The following RAB38 variants were observed in gnomAD, a reference collection of about 807,000 sequenced individuals.
RAB38 encodes the protein RAB38, member RAS oncogene family.
RAB38 carries 15 observed loss-of-function variants against 18.4 expected under a neutral mutation model. The observed-to-expected ratio is 0.82, with a 90% CI of 0.55 to 1.26. The LOEUF is 1.26. Ranked by LOEUF, RAB38 falls within the 50% of genes most tolerant of loss-of-function variation. RAB38 has a pLI of 0.00. For missense variants in RAB38, 294 were observed against 267.4 expected (o/e 1.10, Z -0.69); for synonymous variants, 101 against 104.4 (o/e 0.97, Z 0.20).
chr11:88,047,062 C>A, the RAB38 span, among the ~76,000 whole-genome samples: 1 of 152,180 alleles, frequency 6.6e-6, no homozygotes, highest in Non-Finnish European at 1.5e-5. Flanking sequence ...CGCCCTAATA[C>A]TTTTAGAGGC....
At chr11:87,886,183 C>T in the RAB38 span, among the ~76,000 whole-genome samples, 1 of 151,964 alleles carries the variant, frequency 6.6e-6, no homozygotes, top group African/African-American at 2.4e-5. Context: ...CGCGGTGGCC[C>T]TCTGGCTGGT....
the RAB38 span, among the ~76,000 whole-genome samples, chr11:87,868,994 A>G: frequency 2.0e-5 from 3 of 151,730 alleles, no homozygotes; most frequent in Non-Finnish European, 3.0e-5. Context: ...AGAGATTCCC[A>G]CAAAAAACAG....
At chr11:87,888,846 C>G in the RAB38 span, among the ~76,000 whole-genome samples, 2 of 151,940 alleles carry the variant, frequency 1.3e-5, no homozygotes, top group African/African-American at 4.8e-5. Context: ...AAATGAAGTA[C>G]TGCACTGTTG....
At chr11:87,900,730 G>A in the RAB38 span, among the ~76,000 whole-genome samples, 3 of 150,504 alleles carry the variant, frequency 2.0e-5, no homozygotes, top group South Asian at 6.3e-4. Context: ...TAGGGAAGAA[G>A]GAAGAGGGAG....
chr11:88,116,816 C>T (rs1377401690), intron 2 of RAB38, among the ~76,000 whole-genome samples: 3 of 152,226 alleles, frequency 2.0e-5, no homozygotes, highest in African/African-American at 7.2e-5. Context: ...ATTTTTTAAA[C>T]CTCCACTCAT....
chr11:87,825,610 T>C, the RAB38 span, among the ~76,000 whole-genome samples: 1 of 152,126 alleles, frequency 6.6e-6, no homozygotes, highest in African/African-American at 2.4e-5. Flanking sequence ...TATCTCAAAA[T>C]AATGTCATAT....
the RAB38 span, among the ~76,000 whole-genome samples, chr11:87,851,856 T>A: frequency 6.6e-6 from 1 of 152,062 alleles, no homozygotes; most frequent in African/African-American, 2.4e-5. Context: ...ACTTTTAGGG[T>A]CTCTAGCTGG....
intron 2 of RAB38, among the ~76,000 whole-genome samples, chr11:88,120,415 GT>G (rs1212361751): frequency 3.9e-5 from 6 of 152,144 alleles, no homozygotes; most frequent in Non-Finnish European, 8.8e-5. Context: ...AAAGCCCACA[GT>G]TTTGTACTTT....
chr11:88,133,103 T>C (rs1316528916), intron 2 of RAB38, among the ~76,000 whole-genome samples: 2 of 152,122 alleles, frequency 1.3e-5, no homozygotes, highest in African/African-American at 2.4e-5. Flanking sequence ...ATCTAGTATA[T>C]TGTAAACAGA....
At chr11:88,152,682 C>T (rs1311161123) in intron 1 of RAB38, among the ~76,000 whole-genome samples, 1 of 152,172 alleles carries the variant, frequency 6.6e-6, no homozygotes, top group Non-Finnish European at 1.5e-5. Flanking sequence ...AGAATGAGAA[C>T]CATGTGACTC....
chr11:87,977,382 AATATAATTATAT>A, the RAB38 span, among the ~76,000 whole-genome samples: 5 of 46,598 alleles, frequency 1.1e-4, no homozygotes, highest in South Asian at 5.8e-4. Flanking sequence ...TATATTATAA[AATATAATTATAT>A]ATATAATTAT....
intron 1 of RAB38, among the ~76,000 whole-genome samples, chr11:88,161,329 T>A (rs1404871593): frequency 6.6e-6 from 1 of 152,092 alleles, no homozygotes; most frequent in Non-Finnish European, 1.5e-5. Context: ...CTCTGTTCAA[T>A]AAAATCCTAT....
chr11:87,969,742 T>C, the RAB38 span, among the ~76,000 whole-genome samples: 1,379 of 152,234 alleles, frequency 9.1e-3, 25 homozygotes, highest in African/African-American at 0.031. Flanking sequence ...CTGTGTTTGG[T>C]TTTCTGGTTC....
chr11:87,815,524 TC>T, the RAB38 span: 1 of 152,128 alleles, frequency 6.6e-6, no homozygotes, highest in African/African-American at 2.4e-5. Context: ...TTGTCCGAGA[TC>T]CGTGAAGGAT....
chr11:88,007,826 G>A, the RAB38 span, among the ~76,000 whole-genome samples: 1 of 152,034 alleles, frequency 6.6e-6, no homozygotes, highest in Non-Finnish European at 1.5e-5. Context: ...ACTAGGGGTA[G>A]GGGTAAGATC....
intron 2 of RAB38, among the ~76,000 whole-genome samples, chr11:88,120,717 T>A (rs1170439388): frequency 1.3e-5 from 2 of 152,126 alleles, no homozygotes; most frequent in East Asian, 1.9e-4. Flanking sequence ...CCTCTGTCCT[T>A]TATTCTTTAG....
At chr11:87,830,135 G>T in the RAB38 span, among the ~76,000 whole-genome samples, 1 of 152,006 alleles carries the variant, frequency 6.6e-6, no homozygotes, top group Non-Finnish European at 1.5e-5. Context: ...CTTACTCTGT[G>T]CCCAGAATTA....
At chr11:87,953,868 T>TC in the RAB38 span, among the ~76,000 whole-genome samples, 1 of 151,708 alleles carries the variant, frequency 6.6e-6, no homozygotes, top group African/African-American at 2.4e-5. Context: ...TTTTTTTTTT[T>TC]CCATTTACTA....
chr11:87,893,388 A>ATGTG, the RAB38 span, among the ~76,000 whole-genome samples: 1,132 of 9,332 alleles, frequency 0.12, 16 homozygotes, highest in Non-Finnish European at 0.25. Flanking sequence ...ATATATATAT[A>ATGTG]TATTTTTTTT....
Sources: allele counts gnomAD v4.1 joint callset (sites outside exome capture counted in the v4.1 genomes callset), GRCh38; gene constraint gnomAD v4.1.1; transcripts MANE v1.5; gene names NCBI Gene and HGNC (gene_info 2026-07-23, HGNC 2026-07-21).